CMIP: variants seen among roughly 807,000 people sequenced by gnomAD.
The protein encoded by CMIP is C-Maf-inducing protein.
Under a neutral mutation model 97.3 loss-of-function variants are expected in CMIP, and 13 were observed. That is an observed-to-expected ratio of 0.13 (90% CI 0.09 to 0.21). The LOEUF is 0.21. CMIP is among the 10% of genes least tolerant of loss of function. The pLI, the probability that CMIP is intolerant of heterozygous loss-of-function variation, is 1.00. For missense variants in CMIP, 847 were observed against 1,024.9 expected (o/e 0.83, Z 2.37); for synonymous variants, 538 against 436.3 (o/e 1.23, Z -2.91).
At chr16:81,488,005 A>G (rs914058387) in intron 1 of CMIP, among the ~76,000 whole-genome samples, 4 of 152,152 alleles carry the variant, frequency 2.6e-5, no homozygotes, top group Non-Finnish European at 5.9e-5. Context: ...GCAGCCTCGC[A>G]TCTTACTTTA....
chr16:81,498,020 T>C (rs2089524341), intron 1 of CMIP, among the ~76,000 whole-genome samples: 2 of 152,256 alleles, frequency 1.3e-5, no homozygotes, highest in African/African-American at 4.8e-5. Context: ...TGTTCTTTGT[T>C]GGTCTGTTCA....
chr16:81,485,153 A>G (rs1171640340), intron 1 of CMIP, among the ~76,000 whole-genome samples: 1 of 152,178 alleles, frequency 6.6e-6, no homozygotes, highest in African/African-American at 2.4e-5. Flanking sequence ...ATAGCTGTGG[A>G]GTATTCTATT....
intron 13 of CMIP, among the ~76,000 whole-genome samples, chr16:81,694,624 G>A (rs1356911223): frequency 6.6e-6 from 1 of 152,170 alleles, no homozygotes; most frequent in East Asian, 1.9e-4. Flanking sequence ...TATATTACCT[G>A]AGGAGCTTGT....
At chr16:81,626,990 ATG>A (rs367561649) in intron 3 of CMIP, among the ~76,000 whole-genome samples, 1 of 133,302 alleles carries the variant, frequency 7.5e-6, no homozygotes, top group East Asian at 2.4e-4. Context: ...TATTTTATGA[ATG>A]TGTGTGTGTG....
At chr16:81,530,830 G>C (rs564583355) in intron 1 of CMIP, among the ~76,000 whole-genome samples, 1 of 152,020 alleles carries the variant, frequency 6.6e-6, no homozygotes, top group Admixed American at 6.5e-5. Flanking sequence ...CATTATCTTC[G>C]ATCAGTTCAG....
At chr16:81,590,524 C>T (rs74031210) in intron 1 of CMIP, among the ~76,000 whole-genome samples, 4,558 of 152,252 alleles carry the variant, frequency 0.03, 215 homozygotes, top group African/African-American at 0.1. Flanking sequence ...CCATGTCGCC[C>T]GGCTTCTGGG....
intron 1 of CMIP, among the ~76,000 whole-genome samples, chr16:81,583,900 G>A (rs549333296): frequency 3.3e-5 from 5 of 152,322 alleles, no homozygotes; most frequent in African/African-American, 1.2e-4. Flanking sequence ...TCTGGCGACA[G>A]TGTTTTGGGT....
Position 81,627,152 on chromosome 16 carries a change from AAT to A in CMIP, c.477+6227_477+6228del, listed in dbSNP as rs1491109538. Among the ~76,000 whole-genome samples, 2 of 121,786 alleles carry A rather than the reference AAT, an allele frequency of 1.6e-5. No individual in the cohort carries two copies. The highest frequency in any genetic ancestry group is 5.6e-4 in the South Asian group (2 of 3,550). 79.9% of individuals were successfully genotyped at this position (121,786 alleles called of 152,430 possible). ...TGGCATATGGGCCAACTATTTTATGAATGTGTGTGTGTGTGGCCTGTAGGGTG... is the reference window on the plus strand; with the variant it reads ...TGGCATATGGGCCAACTATTTTATGAGTGTGTGTGTGTGGCCTGTAGGGTG... On this transcript the variant is annotated intron_variant, in intron 3 of 20. Coordinates refer to ENST00000537098, the MANE Select transcript of CMIP (RefSeq NM_198390.3). This position sits in a 1 kb window ranked among gnomAD's most constrained non-coding sequence, Gnocchi z 4.6.
chr16:81,444,911 CGCCCGCCCTCCGCGCCTGGCCCCG>C lies in CMIP; in HGVS notation c.-320_-297del, dbSNP rs1194264240. Among the ~76,000 whole-genome samples, 1 of 128,136 alleles carries C rather than the reference CGCCCGCCCTCCGCGCCTGGCCCCG, an allele frequency of 7.8e-6. No individual in the cohort carries two copies. The highest frequency in any genetic ancestry group is 1.7e-5 in the Non-Finnish European group (1 of 58,448). The allele number at this position is 128,136 out of a possible 152,430, so 84.1% of individuals were successfully genotyped here. A position where few individuals can be genotyped will look rare whatever the true frequency, so the allele number is the denominator to read the frequency against. On this transcript the variant is annotated 5_prime_UTR_variant, in exon 1 of 21. Transcript: ENST00000537098. ...CCCCACCCCGCCGCCCCCACCCCGG[CGCCCGCCCTCCGCGCCTGGCCCCG>C]GCCCGCCCTCGGCCTCCCCCGCCCC...
At chr16:81,462,199 C>T (rs148861903) in intron 1 of CMIP, among the ~76,000 whole-genome samples, 1 of 152,102 alleles carries the variant, frequency 6.6e-6, no homozygotes, top group Non-Finnish European at 1.5e-5. Context: ...GTCACAGTCA[C>T]CAAAAATCAA....
intron 1 of CMIP, among the ~76,000 whole-genome samples, chr16:81,600,982 G>A (rs1364512377): frequency 6.6e-6 from 1 of 152,186 alleles, no homozygotes. Flanking sequence ...TTACAGTGGG[G>A]TGGTGCCACG....
chr16:81,620,224 T>G (rs964399096), intron 2 of CMIP: 2 of 152,270 alleles, frequency 1.3e-5, no homozygotes, highest in Non-Finnish European at 2.9e-5. Context: ...GAGAAGGTTT[T>G]GTTTCACCCG....
intron 2 of CMIP, among the ~76,000 whole-genome samples, chr16:81,617,995 G>A (rs1288865209): frequency 2.6e-5 from 4 of 152,284 alleles, no homozygotes; most frequent in East Asian, 1.9e-4. Flanking sequence ...CCGTCCAGCC[G>A]GTGGCAGCTT....
At chr16:81,569,105 C>A (rs1274358370) in intron 1 of CMIP, among the ~76,000 whole-genome samples, 1 of 152,214 alleles carries the variant, frequency 6.6e-6, no homozygotes. Flanking sequence ...CTTATGAATG[C>A]TTTCCCTTCT....
rs973891574 is a variant in CMIP at position 81,652,901 on chromosome 16, C to T, written c.639+537C>T. ...GTGCCATCTGCTTTGCTGGCCTCCT[C>T]GCATATTGAATGTGTGCTTTGTGCC... On this transcript the variant is annotated intron_variant, in intron 4 of 20. Coordinates refer to ENST00000537098, the MANE Select transcript of CMIP (RefSeq NM_198390.3). The surrounding 1 kb of genome is among the most constrained non-coding windows in gnomAD (Gnocchi z 5.2). Among the ~76,000 whole-genome samples the T allele has an allele frequency of 1.3e-5, 2 of 152,146 alleles. No homozygotes were observed. Among genetic ancestry groups the T allele is most frequent in the African/African-American group, 2.4e-5 (1 of 41,430 alleles).
chr16:81,553,088 G>T (rs773736048), intron 1 of CMIP, among the ~76,000 whole-genome samples: 1 of 152,188 alleles, frequency 6.6e-6, no homozygotes, highest in Non-Finnish European at 1.5e-5. Flanking sequence ...AAGACCAGTT[G>T]CTTAGCCACG....
At chr16:81,450,063 G>A (rs1906113993) in intron 1 of CMIP, among the ~76,000 whole-genome samples, 1 of 152,210 alleles carries the variant, frequency 6.6e-6, no homozygotes. Context: ...GGCCCTGCCT[G>A]CTCCTTAGTG....
chr16:81,669,596 C>T (rs1421398296), intron 7 of CMIP, among the ~76,000 whole-genome samples: 2 of 146,316 alleles, frequency 1.4e-5, no homozygotes, highest in Non-Finnish European at 3.0e-5. Context: ...CCTTCCACAC[C>T]CACCTCTCAC....
intron 1 of CMIP, among the ~76,000 whole-genome samples, chr16:81,516,279 C>T (rs1355209444): frequency 1.3e-5 from 2 of 152,190 alleles, no homozygotes. Context: ...ACTCTTGATT[C>T]CTCCGGGGAT....
Sources: allele counts gnomAD v4.1 joint callset (sites outside exome capture counted in the v4.1 genomes callset), GRCh38; gene constraint gnomAD v4.1.1; non-coding constraint Gnocchi (gnomAD v3.1); transcripts MANE v1.5; gene names NCBI Gene and HGNC (gene_info 2026-07-23, HGNC 2026-07-21).